CCDC148: variants seen among roughly 807,000 people sequenced by gnomAD.
The protein encoded by CCDC148 is coiled-coil domain-containing protein 148.
In CCDC148, 89 loss-of-function variants were observed where a neutral mutation model predicts 85.7. The observed-to-expected ratio is 1.04, with a 90% confidence interval of 0.87 to 1.24. CCDC148 has a LOEUF of 1.24. Ranked by LOEUF, CCDC148 falls within the 50% of genes most tolerant of loss-of-function variation. The pLI is 0.00. For synonymous variants in CCDC148, 230 were observed against 213.9 expected (o/e 1.08, Z -0.66); for missense variants, 692 against 671.7 (o/e 1.03, Z -0.33).
chr2:158,253,727 A>G (rs1688898995), intron 9 of CCDC148, among the ~76,000 whole-genome samples: 1 of 151,654 alleles, frequency 6.6e-6, no homozygotes, highest in African/African-American at 2.4e-5. Flanking sequence ...ACTTTGCAAC[A>G]ATTGCTGAAA....
At chr2:158,433,279 A>ATATATATAT (rs1559141769) in intron 1 of CCDC148, among the ~76,000 whole-genome samples, 21 of 99,106 alleles carry the variant, frequency 2.1e-4, no homozygotes, top group Non-Finnish European at 3.0e-4. Flanking sequence ...TATATATATA[A>ATATATATAT]AACAAAAGCA....
chr2:158,402,038 G>T (rs931492527), intron 1 of CCDC148, among the ~76,000 whole-genome samples: 1 of 151,950 alleles, frequency 6.6e-6, no homozygotes. Flanking sequence ...ACTGAGTTGT[G>T]TATTTAATGT....
intron 9 of CCDC148, among the ~76,000 whole-genome samples, chr2:158,284,155 T>C (rs1690497233): frequency 6.7e-6 from 1 of 148,318 alleles, no homozygotes; most frequent in Non-Finnish European, 1.5e-5. Context: ...GGGATAGCAT[T>C]GGGAGATATA....
In CCDC148 at chr2:158,378,293, G is replaced by A. The variant is rs1355238734; in HGVS notation, c.26-19723C>T. On this transcript the variant is annotated intron_variant, in intron 1 of 13. Coordinates refer to ENST00000283233, the MANE Select transcript of CCDC148 (RefSeq NM_138803.4). ...TAAGCAAAACCCTAATTCAGAGCAA[G>A]GCCCTAACTCTCTTTGATTCTAGGA... Among the ~76,000 whole-genome samples the A allele has an allele frequency of 2.0e-5, 3 of 152,104 alleles. No homozygotes were observed. In the East Asian group the frequency reaches 5.8e-4, roughly 29 times the overall value.
At chr2:158,336,121 A>C (rs1292807920) in intron 7 of CCDC148, among the ~76,000 whole-genome samples, 4 of 152,160 alleles carry the variant, frequency 2.6e-5, no homozygotes, top group African/African-American at 9.7e-5. Flanking sequence ...GAGCCCAATA[A>C]CTAGAACAAA....
At chr2:158,347,104 A>G (rs1683031286) in intron 2 of CCDC148, among the ~76,000 whole-genome samples, 2 of 152,220 alleles carry the variant, frequency 1.3e-5, no homozygotes, top group South Asian at 4.1e-4. Context: ...TGACACTTTA[A>G]CGTTCACTTT....
At chr2:158,186,127 T>C (rs1685143634) in intron 11 of CCDC148, among the ~76,000 whole-genome samples, 1 of 152,064 alleles carries the variant, frequency 6.6e-6, no homozygotes, top group African/African-American at 2.4e-5. Context: ...TCCAGAAAGT[T>C]GTACACATTG....
At chr2:158,188,669 A>G (rs1242097202) in intron 11 of CCDC148, among the ~76,000 whole-genome samples, 1 of 152,018 alleles carries the variant, frequency 6.6e-6, no homozygotes, top group Non-Finnish European at 1.5e-5. Context: ...ATACTTTTCT[A>G]TACATTGGCC....
At chr2:158,379,847 A>G (rs1490086911) in intron 1 of CCDC148, among the ~76,000 whole-genome samples, 1 of 152,188 alleles carries the variant, frequency 6.6e-6, no homozygotes, top group Non-Finnish European at 1.5e-5. Context: ...CATAACTTTT[A>G]CAGGCACTGG....
At chr2:158,264,531 C>A (rs918924458) in intron 9 of CCDC148, among the ~76,000 whole-genome samples, 2 of 151,986 alleles carry the variant, frequency 1.3e-5, no homozygotes, top group Non-Finnish European at 2.9e-5. Context: ...TGAATGCTAT[C>A]TTCTAGAAAG....
At chr2:158,415,236 G>A (rs935588883) in intron 1 of CCDC148, among the ~76,000 whole-genome samples, 5 of 152,190 alleles carry the variant, frequency 3.3e-5, no homozygotes, top group African/African-American at 1.2e-4. Context: ...CAAAGGGGAA[G>A]CAGACACATT....
intron 11 of CCDC148, among the ~76,000 whole-genome samples, chr2:158,180,105 G>A (rs1206775387): frequency 1.3e-5 from 2 of 152,030 alleles, no homozygotes; most frequent in Non-Finnish European, 2.9e-5. Context: ...CTCCACCTCT[G>A]CCTTTCATCA....
intron 9 of CCDC148, among the ~76,000 whole-genome samples, chr2:158,284,112 T>C (rs1188987295): frequency 8.7e-6 from 1 of 115,492 alleles, no homozygotes; most frequent in Non-Finnish European, 1.7e-5. Flanking sequence ...AACATCACAC[T>C]CTGGGGACTG....
At chr2:158,360,634 A>G (rs1037581512) in intron 1 of CCDC148, among the ~76,000 whole-genome samples, 3 of 152,170 alleles carry the variant, frequency 2.0e-5, no homozygotes, top group Non-Finnish European at 4.4e-5. Flanking sequence ...ATCAACATCA[A>G]CAAAAAGGAT....
chr2:158,224,641 C>A (rs776275085), intron 10 of CCDC148, among the ~76,000 whole-genome samples: 1 of 152,120 alleles, frequency 6.6e-6, no homozygotes. Flanking sequence ...AGAGTAGGGG[C>A]CAATATTCAA....
chr2:158,425,371 G>A, intron 1 of CCDC148: 1 of 455,652 alleles, frequency 2.2e-6, no homozygotes, highest in Non-Finnish European at 4.3e-6. Context: ...TGACATTGAA[G>A]ACTGGTCTTT....
chr2:158,179,648 G>A (rs1684790827), intron 11 of CCDC148, among the ~76,000 whole-genome samples: 1 of 151,830 alleles, frequency 6.6e-6, no homozygotes, highest in African/African-American at 2.4e-5. Flanking sequence ...GCACACCTTG[G>A]GTTGTTAGAA....
intron 1 of CCDC148, among the ~76,000 whole-genome samples, chr2:158,366,668 T>C (rs7601440): frequency 6.6e-6 from 1 of 152,030 alleles, no homozygotes; most frequent in African/African-American, 2.4e-5. Flanking sequence ...TGTAGGACAC[T>C]CTGATACATA....
intron 2 of CCDC148, among the ~76,000 whole-genome samples, chr2:158,352,287 G>C (rs1255865117): frequency 2.0e-5 from 3 of 151,076 alleles, no homozygotes; most frequent in Non-Finnish European, 3.0e-5. Context: ...TGAGCTACGG[G>C]AGGACATTCA....
Sources: gnomAD v4.1 joint callset for allele counts (sites outside exome capture counted in the v4.1 genomes callset) on GRCh38, gnomAD v4.1.1 for gene constraint, MANE v1.5 for transcripts, NCBI Gene and HGNC (gene_info 2026-07-23, HGNC 2026-07-21) for gene names.